Variants in UQCC1 observed in about 807,000 individuals in gnomAD.
The protein encoded by UQCC1 is ubiquinol-cytochrome c reductase complex assembly factor 1, also known as bFGF-repressed Zic-binding protein.
In UQCC1, 38 loss-of-function variants were observed where a neutral mutation model predicts 48.0. That is an observed-to-expected ratio of 0.79 (90% CI 0.61 to 1.04). UQCC1 has a LOEUF of 1.04. UQCC1 is among the 50% of genes least tolerant of loss of function. The pLI is 0.00. For missense variants in UQCC1, 368 were observed against 381.8 expected, an observed-to-expected ratio of 0.96 and a Z score of 0.30; for synonymous variants, 111 against 129.2, an observed-to-expected ratio of 0.86 and a Z score of 0.95.
intron 7 of UQCC1, among the ~76,000 whole-genome samples, chr20:35,339,324 T>C (rs1489232586): frequency 1.3e-5 from 2 of 152,124 alleles, no homozygotes; most frequent in East Asian, 1.9e-4. Flanking sequence ...ACATAAACCA[T>C]GAGCACACCA....
chr20:35,385,823 A>AT (rs908373084), intron 2 of UQCC1, among the ~76,000 whole-genome samples: 146 of 135,136 alleles, frequency 1.1e-3, no homozygotes, highest in Middle Eastern at 3.9e-3. Context: ...CCTGGCTGGG[A>AT]TTTTTTTTTT....
At chr20:35,351,180 CAA>C (rs1186220296) in intron 6 of UQCC1, among the ~76,000 whole-genome samples, 1 of 152,040 alleles carries the variant, frequency 6.6e-6, no homozygotes, top group East Asian at 1.9e-4. Flanking sequence ...TACTTGAGGT[CAA>C]GAGTTCAAGA....
chr20:35,406,711 T>C (rs977835416), intron 1 of UQCC1, among the ~76,000 whole-genome samples: 3 of 152,192 alleles, frequency 2.0e-5, no homozygotes, highest in Non-Finnish European at 1.5e-5. Context: ...ACAGTACAAA[T>C]GGATTTTTTG....
chr20:35,408,976 A>G (rs1395260957), intron 1 of UQCC1, among the ~76,000 whole-genome samples: 1 of 152,232 alleles, frequency 6.6e-6, no homozygotes, highest in Non-Finnish European at 1.5e-5. Context: ...CACTTATATG[A>G]GGTACACAAA....
intron 3 of UQCC1, 105 bp downstream of exon 3, chr20:35,383,933 C>T (rs2061906585): frequency 6.6e-6 from 6 of 908,456 alleles, no homozygotes; most frequent in Non-Finnish European, 1.0e-5. Flanking sequence ...CTGAGCCTCA[C>T]CTTCTGCATT....
intron 1 of UQCC1, among the ~76,000 whole-genome samples, chr20:35,397,991 A>T (rs778360336): frequency 2.6e-5 from 4 of 152,238 alleles, no homozygotes; most frequent in African/African-American, 9.6e-5. Context: ...CTTCACAATC[A>T]CCACTCATGT....
intron 1 of UQCC1, among the ~76,000 whole-genome samples, chr20:35,411,586 G>A (rs1395425661): frequency 6.6e-6 from 1 of 152,168 alleles, no homozygotes. Flanking sequence ...AAGTCACTAT[G>A]CATCAGTGAC....
intron 4 of UQCC1, among the ~76,000 whole-genome samples, chr20:35,380,855 C>T (rs966238267): frequency 6.6e-6 from 1 of 152,190 alleles, no homozygotes; most frequent in African/African-American, 2.4e-5. Flanking sequence ...ATTTTGGATG[C>T]TTTGCATTAT....
intron 1 of UQCC1, among the ~76,000 whole-genome samples, chr20:35,399,697 A>G (rs2062131913): frequency 6.6e-6 from 1 of 151,740 alleles, no homozygotes; most frequent in Admixed American, 6.6e-5. Context: ...TCTCTACTAA[A>G]AATACAAAAA....
intron 2 of UQCC1, chr20:35,384,578 G>A: frequency 2.3e-6 from 1 of 442,954 alleles, no homozygotes; most frequent in Non-Finnish European, 4.5e-6. Context: ...GAAGATCGAG[G>A]CTGCAGGGAG....
intron 3 of UQCC1, among the ~76,000 whole-genome samples, chr20:35,383,053 T>C (rs978612622): frequency 6.6e-6 from 1 of 152,152 alleles, no homozygotes; most frequent in African/African-American, 2.4e-5. Context: ...AAACATTCTA[T>C]GCTTATTGAT....
At chr20:35,317,926 G>GGCTGA (rs1264089501) in intron 7 of UQCC1, among the ~76,000 whole-genome samples, 1 of 151,934 alleles carries the variant, frequency 6.6e-6, no homozygotes, top group Non-Finnish European at 1.5e-5. Flanking sequence ...TTCCAGAAAG[G>GGCTGA]GGTAAAGGGA....
chr20:35,315,256 G>C (rs2061044154), intron 7 of UQCC1: 2 of 156,276 alleles, frequency 1.3e-5, no homozygotes, highest in African/African-American at 4.8e-5. Context: ...TGACAGAGGA[G>C]AGTGAGGGGG....
chr20:35,403,554 T>C (rs2062200672), intron 1 of UQCC1, among the ~76,000 whole-genome samples: 1 of 152,130 alleles, frequency 6.6e-6, no homozygotes, highest in Admixed American at 6.6e-5. Flanking sequence ...AGACATCCCA[T>C]TACTGGGTAT....
chr20:35,353,400 A>AC (rs1326084663), intron 6 of UQCC1, among the ~76,000 whole-genome samples: 1 of 151,972 alleles, frequency 6.6e-6, no homozygotes, highest in Non-Finnish European at 1.5e-5. Context: ...TACCTAAAAA[A>AC]AAAAAAAAAA....
chr20:35,365,534 G>T (rs1055360308), intron 6 of UQCC1, among the ~76,000 whole-genome samples: 3 of 151,668 alleles, frequency 2.0e-5, no homozygotes, highest in Non-Finnish European at 4.4e-5. Flanking sequence ...GTGGGCTCCT[G>T]TAATCCCAGC....
rs544413923 is a variant in UQCC1 at position 35,381,446 on chromosome 20, A to T, written c.333+472T>A. ...TGCCTGCTACTATGAGATGCTTCTAAGGAATCAGGTGGAGGGACTAGTTCA... is the reference window on the plus strand; with the variant it reads ...TGCCTGCTACTATGAGATGCTTCTATGGAATCAGGTGGAGGGACTAGTTCA... On this transcript the variant is annotated intron_variant, in intron 4 of 9. Transcript: ENST00000374385. Among the ~76,000 whole-genome samples the T allele has an allele frequency of 5.9e-5, 9 of 152,316 alleles. 1 individual carries two copies. In the South Asian group the frequency reaches 1.9e-3, roughly 32 times the overall value.
At position 35,366,572 on chromosome 20, in the gene UQCC1, G is replaced by A. The variant is rs763075935; in HGVS notation, c.449C>T (p.Thr150Ile). The change falls in exon 6 of 10, where the codon ACC becomes ATC. Residue 150 changes from threonine to isoleucine, a missense_variant. Thr to Ile is a moderately conservative substitution (Grantham distance 89, BLOSUM62 -1). Transcript: ENST00000374385. Reference protein sequence around the residue: ...PDTFNSWFLITLLHVWMCLVR... With the variant: ...PDTFNSWFLIILLHVWMCLVR... ...GCTCACTTACCAGACGTGGAGTAGG[G>A]TTATAAGAAACCATGAATTGAATGT... 3 of 1,613,918 alleles carry A rather than the reference G, an allele frequency of 1.9e-6. No individual in the cohort carries two copies. Among genetic ancestry groups the A allele is most frequent in the African/African-American group, 1.3e-5 (1 of 75,022 alleles).
At chr20:35,384,649 A>T (rs1243574252) in intron 2 of UQCC1, 1 of 147,940 alleles carries the variant, frequency 6.8e-6, no homozygotes, top group Non-Finnish European at 1.5e-5. Context: ...CCCTGTCTGT[A>T]AAAAAAAAAA....
Sources: allele counts gnomAD v4.1 joint callset (sites outside exome capture counted in the v4.1 genomes callset), GRCh38; gene constraint gnomAD v4.1.1; transcripts MANE v1.5; gene names NCBI Gene and HGNC (gene_info 2026-07-23, HGNC 2026-07-21).